The following KCNQ5 variants were observed in gnomAD, a reference collection of about 807,000 sequenced individuals.
KCNQ5 encodes potassium voltage-gated channel subfamily KQT member 5.
KCNQ5 carries 30 observed loss-of-function variants against 98.2 expected under a neutral mutation model. The observed-to-expected ratio is 0.31, with a 90% CI of 0.23 to 0.41. The LOEUF (loss-of-function observed/expected upper bound fraction) is 0.41. Ranked by LOEUF, KCNQ5 falls within the 10% of genes least tolerant of loss-of-function variation. KCNQ5 has a pLI of 1.00. For missense variants in KCNQ5, 835 were observed against 1,182.5 expected, an observed-to-expected ratio of 0.71 and a Z score of 4.31; for synonymous variants, 458 against 449.4, an observed-to-expected ratio of 1.02 and a Z score of -0.24.
chr6:73,018,327 A>G (rs1459316805), intron 2 of KCNQ5, among the ~76,000 whole-genome samples: 1 of 152,036 alleles, frequency 6.6e-6, no homozygotes, highest in African/African-American at 2.4e-5. Flanking sequence ...CCAGGCAGGG[A>G]TGCGCATACA....
intron 1 of KCNQ5, among the ~76,000 whole-genome samples, chr6:72,826,210 T>A (rs2150118935): frequency 6.6e-6 from 1 of 152,270 alleles, no homozygotes; most frequent in East Asian, 1.9e-4. Flanking sequence ...TACACATATA[T>A]GACATGAGGA....
intron 1 of KCNQ5, among the ~76,000 whole-genome samples, chr6:72,981,206 T>C (rs1028731103): frequency 1.3e-5 from 2 of 152,216 alleles, no homozygotes; most frequent in Non-Finnish European, 2.9e-5. Context: ...TCTTTTTCTA[T>C]TGATTGGAAT....
At chr6:72,724,030 A>T (rs891961748) in intron 1 of KCNQ5, among the ~76,000 whole-genome samples, 2 of 151,960 alleles carry the variant, frequency 1.3e-5, no homozygotes, top group Admixed American at 1.3e-4. Flanking sequence ...TTTCTTATTT[A>T]GAAACTCAGG....
chr6:72,631,739 G>T (rs956892688), intron 1 of KCNQ5, among the ~76,000 whole-genome samples: 2 of 152,168 alleles, frequency 1.3e-5, no homozygotes, highest in African/African-American at 4.8e-5. Context: ...AGTTTGGCAA[G>T]AATAAAAGGG....
At chr6:73,160,339 G>A (rs1380137335) in intron 10 of KCNQ5, among the ~76,000 whole-genome samples, 1 of 152,082 alleles carries the variant, frequency 6.6e-6, no homozygotes, top group East Asian at 1.9e-4. Context: ...TTGACAATTG[G>A]GTTTTATTTT....
intron 11 of KCNQ5, among the ~76,000 whole-genome samples, chr6:73,174,909 A>G (rs1394721819): frequency 6.6e-6 from 1 of 152,236 alleles, no homozygotes; most frequent in Non-Finnish European, 1.5e-5. Context: ...GCCTTCCAGC[A>G]TGCTGCCTCC....
At chr6:73,097,686 G>T (rs1374434741) in intron 5 of KCNQ5, among the ~76,000 whole-genome samples, 1 of 152,114 alleles carries the variant, frequency 6.6e-6, no homozygotes, top group African/African-American at 2.4e-5. Context: ...TCGTTTGTTT[G>T]GGAGAATGTA....
At chr6:72,937,179 C>G (rs1765976366) in intron 1 of KCNQ5, among the ~76,000 whole-genome samples, 1 of 152,106 alleles carries the variant, frequency 6.6e-6, no homozygotes, top group South Asian at 2.1e-4. Flanking sequence ...TTTACGAACC[C>G]AGAGATGCTT....
At chr6:73,093,133 G>C (rs1247888684) in intron 5 of KCNQ5, among the ~76,000 whole-genome samples, 1 of 152,070 alleles carries the variant, frequency 6.6e-6, no homozygotes, top group Non-Finnish European at 1.5e-5. Flanking sequence ...TTTAAACTAG[G>C]AGGGTTGTAT....
intron 2 of KCNQ5, among the ~76,000 whole-genome samples, chr6:73,032,616 C>A (rs563680621): frequency 6.6e-6 from 1 of 152,262 alleles, no homozygotes; most frequent in South Asian, 2.1e-4. Context: ...GGACATTGAT[C>A]TTCGATTCTA....
chr6:72,638,563 G>C (rs2098925464), intron 1 of KCNQ5, among the ~76,000 whole-genome samples: 2 of 152,168 alleles, frequency 1.3e-5, no homozygotes, highest in African/African-American at 4.8e-5. Flanking sequence ...TTGAAGGGTA[G>C]CTATCATAAT....
intron 1 of KCNQ5, among the ~76,000 whole-genome samples, chr6:72,724,598 A>G (rs1647551712): frequency 6.6e-6 from 1 of 152,322 alleles, no homozygotes; most frequent in South Asian, 2.1e-4. Flanking sequence ...CACACACCAC[A>G]TGTGAATTTA....
chr6:72,997,742 C>T (rs1424288913), intron 1 of KCNQ5, among the ~76,000 whole-genome samples: 4 of 124,756 alleles, frequency 3.2e-5, no homozygotes, highest in Non-Finnish European at 6.3e-5. Flanking sequence ...GAGATTGCGT[C>T]ACTGCACTCC....
At position 72,650,910 on chromosome 6, in the gene KCNQ5, G is replaced by T. The variant is rs181340021; in HGVS notation, c.398+28323G>T. On this transcript the variant is annotated intron_variant, in intron 1 of 13. Transcript: ENST00000370398. The stretch of plus-strand genomic sequence containing the variant: ...TAACTAATCCATGGAGGAGAGGATG[G>T]TCAGAGGGGGTCGTGTTTAAATTGG... Among the ~76,000 whole-genome samples the T allele has an allele frequency of 5.9e-3, 903 of 152,174 alleles. 31 individuals are homozygous for T. Among genetic ancestry groups the T allele is most frequent in the Admixed American group, 0.055 (832 of 15,252 alleles).
intron 1 of KCNQ5, among the ~76,000 whole-genome samples, chr6:72,938,808 A>G (rs553786455): frequency 1.2e-4 from 18 of 152,328 alleles, no homozygotes; most frequent in African/African-American, 3.8e-4. Flanking sequence ...GAAAACTGAC[A>G]TATAAACAAA....
intron 1 of KCNQ5, among the ~76,000 whole-genome samples, chr6:72,723,264 C>G (rs970603134): frequency 6.6e-5 from 10 of 152,124 alleles, no homozygotes; most frequent in African/African-American, 2.2e-4. Flanking sequence ...ATGGTACTTA[C>G]TCTTAATTAT....
intron 1 of KCNQ5, among the ~76,000 whole-genome samples, chr6:72,882,230 G>A (rs1778659403): frequency 6.6e-6 from 1 of 152,186 alleles, no homozygotes; most frequent in East Asian, 1.9e-4. Flanking sequence ...CACTTCAAAG[G>A]CCAAAATATC....
At chr6:72,906,565 G>A (rs529969519) in intron 1 of KCNQ5, among the ~76,000 whole-genome samples, 2 of 152,298 alleles carry the variant, frequency 1.3e-5, no homozygotes, top group East Asian at 3.9e-4. Flanking sequence ...AAGCTCCCAG[G>A]GCCTTTCCCG....
chr6:72,846,618 A>T (rs1486317992), intron 1 of KCNQ5, among the ~76,000 whole-genome samples: 1 of 152,142 alleles, frequency 6.6e-6, no homozygotes, highest in African/African-American at 2.4e-5. Context: ...GGTCAAGGCT[A>T]TAGTGAGCCA....
Sources: gnomAD v4.1 joint callset for allele counts (sites outside exome capture counted in the v4.1 genomes callset) on GRCh38, gnomAD v4.1.1 for gene constraint, MANE v1.5 for transcripts, NCBI Gene and HGNC (gene_info 2026-07-23, HGNC 2026-07-21) for gene names.